C8orf34: variants seen among roughly 807,000 people sequenced by gnomAD.
C8orf34 encodes chromosome 8 open reading frame 34, also known as uncharacterized protein C8orf34.
Under a neutral mutation model 68.3 loss-of-function variants are expected in C8orf34, and 65 were observed. That is an observed-to-expected ratio of 0.95 (90% CI 0.78 to 1.17). The LOEUF is 1.17. C8orf34 is among the 50% of genes most tolerant of loss of function. The probability of loss-of-function intolerance (pLI) is 0.00; values close to 1 mark genes in which losing one functional copy is unlikely to be tolerated. For synonymous variants in C8orf34, 244 were observed against 241.2 expected, an observed-to-expected ratio of 1.01 and a Z score of -0.11; for missense variants, 664 against 655.4, an observed-to-expected ratio of 1.01 and a Z score of -0.14.
intron 3 of C8orf34, chr8:68,446,714 C>T: frequency 2.2e-6 from 1 of 454,128 alleles, no homozygotes; most frequent in Non-Finnish European, 3.8e-6. Flanking sequence ...ATATAAACTG[C>T]ATGGAGCGGG....
intron 1 of C8orf34, among the ~76,000 whole-genome samples, chr8:68,360,752 C>CTTTTTTTTTTTTTTTTTTTTT (rs1319672272): frequency 6.9e-6 from 1 of 144,192 alleles, no homozygotes; most frequent in African/African-American, 2.7e-5. Context: ...CCTTTTCTTC[C>CTTTTTTTTTTTTTTTTTTTTT]TTTCTTTTTT....
intron 8 of C8orf34, among the ~76,000 whole-genome samples, chr8:68,669,183 A>G (rs1340062165): frequency 2.6e-5 from 4 of 152,170 alleles, no homozygotes; most frequent in Admixed American, 6.5e-5. Flanking sequence ...TTCGATGATG[A>G]TAATGCCAAT....
intron 1 of C8orf34, among the ~76,000 whole-genome samples, chr8:68,430,598 C>A (rs1043723550): frequency 6.6e-6 from 1 of 152,050 alleles, no homozygotes; most frequent in African/African-American, 2.4e-5. Flanking sequence ...TGATTGGTAT[C>A]CAGAAAACCA....
chr8:68,473,769 G>A (rs560520706), intron 4 of C8orf34, among the ~76,000 whole-genome samples: 4 of 152,092 alleles, frequency 2.6e-5, no homozygotes, highest in African/African-American at 7.2e-5. Context: ...TTATAAAATC[G>A]CACCTATACT....
chr8:68,695,470 A>G (rs1820804669), intron 8 of C8orf34, among the ~76,000 whole-genome samples: 1 of 152,106 alleles, frequency 6.6e-6, no homozygotes, highest in Non-Finnish European at 1.5e-5. Context: ...TTTTATAAGT[A>G]CATCTTCAAT....
At chr8:68,546,084 CAA>C (rs1275411345) in intron 7 of C8orf34, among the ~76,000 whole-genome samples, 2 of 151,850 alleles carry the variant, frequency 1.3e-5, no homozygotes, top group Admixed American at 1.3e-4. Flanking sequence ...AAAAAAAGTA[CAA>C]AGAGTTTTCC....
At chr8:68,404,370 T>C (rs1379706575) in intron 1 of C8orf34, among the ~76,000 whole-genome samples, 2 of 152,210 alleles carry the variant, frequency 1.3e-5, no homozygotes, top group Non-Finnish European at 2.9e-5. Flanking sequence ...CAGAAGCTCT[T>C]TAGTTTAATT....
At chr8:68,580,668 A>G (rs1007826347) in intron 7 of C8orf34, among the ~76,000 whole-genome samples, 1 of 152,174 alleles carries the variant, frequency 6.6e-6, no homozygotes, top group Non-Finnish European at 1.5e-5. Flanking sequence ...ATTACTAATC[A>G]TAAGGAGATA....
At chr8:68,801,653 A>G (rs551540973) in intron 12 of C8orf34, among the ~76,000 whole-genome samples, 3 of 150,270 alleles carry the variant, frequency 2.0e-5, no homozygotes, top group South Asian at 2.1e-4. Flanking sequence ...AATATACTCT[A>G]TAGTGTTGAT....
chr8:68,690,551 G>A (rs1820657329), intron 8 of C8orf34, among the ~76,000 whole-genome samples: 1 of 151,890 alleles, frequency 6.6e-6, no homozygotes, highest in Non-Finnish European at 1.5e-5. Flanking sequence ...TTCTAGCAGA[G>A]TACTCACATG....
In C8orf34 at chr8:68,369,773, G is replaced by A. The variant is rs143614357; in HGVS notation, c.327+38434G>A. ...AGGACTTTACTAAAAGCCCCCAGGG[G>A]TCTGCACTGTAATTCTCTGCACACT... is the stretch of plus-strand genomic sequence containing the variant. On this transcript the variant is annotated intron_variant, in intron 1 of 13. Coordinates refer to ENST00000518698, the MANE Select transcript of C8orf34 (RefSeq NM_052958.4). Among the ~76,000 whole-genome samples the A allele has an allele frequency of 2.7e-4, 41 of 152,308 alleles. No homozygotes were observed. In the East Asian group the frequency reaches 4.1e-3, roughly 15 times the overall value.
At chr8:68,747,239 A>G (rs1043021236) in intron 10 of C8orf34, among the ~76,000 whole-genome samples, 1 of 151,654 alleles carries the variant, frequency 6.6e-6, no homozygotes, top group Non-Finnish European at 1.5e-5. Context: ...GTATTTCAAA[A>G]TAATAAGAGC....
intron 3 of C8orf34, among the ~76,000 whole-genome samples, chr8:68,456,165 A>G (rs181970287): frequency 2.6e-5 from 4 of 151,724 alleles, no homozygotes; most frequent in Admixed American, 6.6e-5. Flanking sequence ...CTGAGGCAGG[A>G]GAATCACTTG....
intron 7 of C8orf34, chr8:68,535,596 T>C (rs1313860042): frequency 2.8e-6 from 2 of 702,544 alleles, no homozygotes; most frequent in African/African-American, 3.9e-5. Flanking sequence ...ACTAGCATTG[T>C]TAATATATAC....
chr8:68,533,425 A>G (rs1815333932), intron 7 of C8orf34: 3 of 1,092,350 alleles, frequency 2.7e-6, no homozygotes, highest in Non-Finnish European at 3.3e-6. Flanking sequence ...TCTGTGTGCA[A>G]CTGTGATCAA....
At chr8:68,710,264 G>A (rs567773530) in intron 9 of C8orf34, among the ~76,000 whole-genome samples, 32 of 152,258 alleles carry the variant, frequency 2.1e-4, no homozygotes, top group African/African-American at 6.3e-4. Flanking sequence ...ATGGATCACC[G>A]CTGCAGGCTC....
At chr8:68,728,030 G>T (rs1489524516) in intron 10 of C8orf34, among the ~76,000 whole-genome samples, 1 of 152,142 alleles carries the variant, frequency 6.6e-6, no homozygotes, top group Non-Finnish European at 1.5e-5. Context: ...ACATAGTCAG[G>T]CTGCAAAATT....
At chr8:68,764,413 A>G (rs1823111122) in intron 10 of C8orf34, among the ~76,000 whole-genome samples, 2 of 152,188 alleles carry the variant, frequency 1.3e-5, no homozygotes, top group Admixed American at 6.5e-5. Flanking sequence ...TGTGGAGTCA[A>G]CAATGTAGGA....
At chr8:68,555,067 C>A (rs541782137) in intron 7 of C8orf34, among the ~76,000 whole-genome samples, 1 of 151,894 alleles carries the variant, frequency 6.6e-6, no homozygotes, top group South Asian at 2.1e-4. Context: ...TAAAAAGTTT[C>A]TGTTTGTTTT....
Sources: allele counts gnomAD v4.1 joint callset (sites outside exome capture counted in the v4.1 genomes callset), GRCh38; gene constraint gnomAD v4.1.1; transcripts MANE v1.5; gene names NCBI Gene and HGNC (gene_info 2026-07-23, HGNC 2026-07-21).